The following PITPNM2 variants were observed in gnomAD, a reference collection of about 807,000 sequenced individuals.
PITPNM2 encodes the protein membrane-associated phosphatidylinositol transfer protein 2.
A neutral mutation model predicts 132.2 loss-of-function variants in PITPNM2; 35 were observed. The ratio of observed to expected loss-of-function variants is 0.26; its 90% CI spans 0.20 to 0.35. PITPNM2 has a LOEUF of 0.35. Ranked by LOEUF, PITPNM2 falls within the 10% of genes least tolerant of loss-of-function variation. The pLI is 1.00. For synonymous variants in PITPNM2, 738 were observed against 799.2 expected (o/e 0.92, Z 1.29); for missense variants, 1,332 against 1,912.0 (o/e 0.70, Z 5.66).
At chr12:123,038,638 A>G (rs374272775) in intron 2 of PITPNM2, among the ~76,000 whole-genome samples, 3 of 152,256 alleles carry the variant, frequency 2.0e-5, no homozygotes, top group East Asian at 3.9e-4. Flanking sequence ...TACTCAATCC[A>G]GTAAGAAGGA....
intron 1 of PITPNM2, among the ~76,000 whole-genome samples, chr12:123,139,900 C>T (rs1034844475): frequency 6.6e-6 from 1 of 152,172 alleles, no homozygotes; most frequent in African/African-American, 2.4e-5. Context: ...CACAGACCAC[C>T]TCCCCCAAGT....
At chr12:123,017,168 C>T (rs999675767) in intron 3 of PITPNM2, among the ~76,000 whole-genome samples, 60 of 151,396 alleles carry the variant, frequency 4.0e-4, no homozygotes, top group African/African-American at 1.4e-3. Context: ...GTCGGGAGTT[C>T]GACACCAGTC....
At position 123,150,423 on chromosome 12, in the gene PITPNM2, A is replaced by G. The variant is rs1452655796; in HGVS notation, c.-200+330T>C. 6.6e-6 allele frequency among the ~76,000 whole-genome samples: 1 copy of G among 151,096 alleles called. No individual in the cohort carries two copies. The highest frequency in any genetic ancestry group is 1.5e-5 in the Non-Finnish European group (1 of 67,796). On this transcript the variant is annotated intron_variant, in intron 1 of 25. Coordinates refer to ENST00000320201, the MANE Select transcript of PITPNM2 (RefSeq NM_020845.3). The surrounding 1 kb of genome is among the most constrained non-coding windows in gnomAD (Gnocchi z 6.0). ...CGGCACTGCCCACGCCTGCCCCCCG[A>G]CCGCTATGACACTTGTCCCTGGCGG...
At chr12:123,094,329 C>G (rs2042348955) in intron 2 of PITPNM2, among the ~76,000 whole-genome samples, 1 of 152,230 alleles carries the variant, frequency 6.6e-6, no homozygotes, top group South Asian at 2.1e-4. Flanking sequence ...GTCCAAGGCT[C>G]TCAGAGAGCT....
At chr12:123,018,767 T>TTTTCC (rs2039548827) in intron 3 of PITPNM2, among the ~76,000 whole-genome samples, 1 of 150,908 alleles carries the variant, frequency 6.6e-6, no homozygotes, top group African/African-American at 2.4e-5. Context: ...TCTTTTCTTT[T>TTTTCC]TTTCCTTTCC....
chr12:123,014,941 A>G (rs2136272670), intron 3 of PITPNM2, among the ~76,000 whole-genome samples: 1 of 152,348 alleles, frequency 6.6e-6, no homozygotes, highest in South Asian at 2.1e-4. Flanking sequence ...CATTTATAAT[A>G]GCCTCTGAAA....
chr12:123,072,718 C>T (rs1248692010), intron 2 of PITPNM2, among the ~76,000 whole-genome samples: 23 of 152,252 alleles, frequency 1.5e-4, no homozygotes, highest in Non-Finnish European at 2.9e-5. Context: ...CTGAAAGGGG[C>T]TTTCAGGATG....
At chr12:123,017,230 G>A (rs970270638) in intron 3 of PITPNM2, among the ~76,000 whole-genome samples, 7 of 151,246 alleles carry the variant, frequency 4.6e-5, no homozygotes, top group African/African-American at 1.5e-4. Flanking sequence ...AAAATTAGTC[G>A]TGTGTGGTGG....
intron 2 of PITPNM2, among the ~76,000 whole-genome samples, chr12:123,045,700 G>A (rs2040630184): frequency 1.3e-5 from 2 of 152,158 alleles, no homozygotes; most frequent in Admixed American, 6.5e-5. Context: ...ATGAATTTTT[G>A]TTGCTCCAAA....
In PITPNM2 at chr12:123,110,480, G is replaced by C. The variant is rs895863704; in HGVS notation, c.-191C>G. ...GGTTGTTGAGGACCAGGACACACGT[G>C]CCAGCATCCTGCAGGGAGAAGCACA... On this transcript the variant is annotated 5_prime_UTR_variant, in exon 2 of 26. Coordinates refer to ENST00000320201, the MANE Select transcript of PITPNM2 (RefSeq NM_020845.3). 2 of 152,424 alleles carry C rather than the reference G, an allele frequency of 1.3e-5. No homozygotes were observed. Among genetic ancestry groups the C allele is most frequent in the Non-Finnish European group, 2.9e-5 (2 of 68,230 alleles). 9.4% of individuals were successfully genotyped at this position (152,424 alleles called of 1,614,324 possible).
At position 122,992,563 on chromosome 12, in the gene PITPNM2, C is replaced by G. The variant is rs1156433707; in HGVS notation, c.2340G>C (p.Leu780=). The change falls in exon 16 of 26, where the codon CTG becomes CTC. Residue 780 remains leucine (L), a synonymous_variant. Coordinates refer to ENST00000320201, the MANE Select transcript of PITPNM2 (RefSeq NM_020845.3). This position sits in a 1 kb window ranked among gnomAD's most constrained non-coding sequence, Gnocchi z 6.5. ...EPLLERRFHA[L]PPFSVPRYQR... ...GGTAGCGGGGGACGCTGAAAGGCGG[C>G]AGGGCGTGAAAGCGCCGTTCCAGCA... 3 of 1,611,470 alleles carry G rather than the reference C, an allele frequency of 1.9e-6. No homozygotes were observed. Among genetic ancestry groups the G allele is most frequent in the Non-Finnish European group, 2.5e-6 (3 of 1,179,484 alleles).
intron 24 of PITPNM2, 26 bp downstream of exon 24, chr12:122,986,619 GC>G (rs779470051): frequency 1.2e-6 from 2 of 1,606,770 alleles, no homozygotes; most frequent in African/African-American, 2.7e-5. Flanking sequence ...CCCCACCCCT[GC>G]CCTGCCCCAT....
intron 1 of PITPNM2, among the ~76,000 whole-genome samples, chr12:123,128,262 T>TAAAAAAAAAAAA (rs2137519060): frequency 2.5e-5 from 1 of 39,962 alleles, no homozygotes; most frequent in South Asian, 1.0e-3. Context: ...ACCCCATCTC[T>TAAAAAAAAAAAA]ACAAAAAAAA....
chr12:122,991,220 G>A (rs1186569106), intron 16 of PITPNM2, among the ~76,000 whole-genome samples: 4 of 152,236 alleles, frequency 2.6e-5, no homozygotes, highest in Non-Finnish European at 5.9e-5. Flanking sequence ...CCTGATGGGC[G>A]TTTGGGGACA....
intron 1 of PITPNM2, among the ~76,000 whole-genome samples, chr12:123,147,929 C>T (rs578183590): frequency 2.9e-4 from 44 of 152,310 alleles, no homozygotes; most frequent in African/African-American, 9.1e-4. Flanking sequence ...TTTTCCTTCC[C>T]CACTTTCCTT....
chr12:123,145,431 T>C (rs1419369163), intron 1 of PITPNM2, among the ~76,000 whole-genome samples: 1 of 152,124 alleles, frequency 6.6e-6, no homozygotes, highest in African/African-American at 2.4e-5. Flanking sequence ...GCCTTTTCCC[T>C]GGACCCATGA....
intron 11 of PITPNM2, among the ~76,000 whole-genome samples, 190 bp downstream of exon 11, chr12:122,997,135 G>T (rs1162530933): frequency 6.6e-6 from 1 of 152,246 alleles, no homozygotes; most frequent in Non-Finnish European, 1.5e-5. Context: ...CTCAGCCATG[G>T]GCCCAGGCCT....
At chr12:123,037,199 C>T (rs2136488220) in intron 2 of PITPNM2, among the ~76,000 whole-genome samples, 1 of 152,348 alleles carries the variant, frequency 6.6e-6, no homozygotes, top group Middle Eastern at 3.4e-3. Flanking sequence ...GGACCCAAGT[C>T]TGACACCTGG....
intron 2 of PITPNM2, among the ~76,000 whole-genome samples, chr12:123,096,903 C>G (rs1241129913): frequency 6.6e-6 from 1 of 152,166 alleles, no homozygotes; most frequent in Admixed American, 6.5e-5. Flanking sequence ...AAAAACGAGG[C>G]CCAGGGAAGC....
Sources: gnomAD v4.1 joint callset for allele counts (sites outside exome capture counted in the v4.1 genomes callset) on GRCh38, gnomAD v4.1.1 for gene constraint, Gnocchi (gnomAD v3.1) non-coding constraint, MANE v1.5 for transcripts, NCBI Gene and HGNC (gene_info 2026-07-23, HGNC 2026-07-21) for gene names.